VPS13B: variants seen among roughly 807,000 people sequenced by gnomAD.
VPS13B encodes intermembrane lipid transfer protein VPS13B.
In VPS13B, 285 loss-of-function variants were observed where a neutral mutation model predicts 426.4. The observed-to-expected ratio is 0.67, with a 90% CI of 0.61 to 0.74. The LOEUF (loss-of-function observed/expected upper bound fraction) is 0.74. VPS13B is among the 30% of genes least tolerant of loss of function. The probability of loss-of-function intolerance (pLI) is 0.00; values close to 1 mark genes in which losing one functional copy is unlikely to be tolerated. For synonymous variants in VPS13B, 1,676 were observed against 1,676.4 expected (o/e 1.00, Z 0.01); for missense variants, 4,537 against 4,782.6 (o/e 0.95, Z 1.51).
At chr8:99,140,993 AC>A (rs1810391151) in intron 12 of VPS13B, among the ~76,000 whole-genome samples, 1 of 152,192 alleles carries the variant, frequency 6.6e-6, no homozygotes, top group African/African-American at 2.4e-5. Context: ...GGGGGTTATT[AC>A]AAATGTTATG....
intron 21 of VPS13B, among the ~76,000 whole-genome samples, chr8:99,429,888 G>C (rs147907376): frequency 3.7e-4 from 56 of 152,154 alleles, no homozygotes; most frequent in African/African-American, 1.3e-3. Flanking sequence ...TCCTTACTAT[G>C]ACCTACATGA....
At chr8:99,566,038 G>A (rs1010909012) in intron 31 of VPS13B, among the ~76,000 whole-genome samples, 1 of 152,156 alleles carries the variant, frequency 6.6e-6, no homozygotes, top group Non-Finnish European at 1.5e-5. Flanking sequence ...AAGTGAGTGG[G>A]AAGGCAAAAG....
chr8:99,633,552 GT>G (rs1828937475), intron 33 of VPS13B, among the ~76,000 whole-genome samples: 1 of 151,998 alleles, frequency 6.6e-6, no homozygotes, highest in African/African-American at 2.4e-5. Flanking sequence ...AGACACAATT[GT>G]AAACCCTAAT....
chr8:99,173,065 AAC>A (rs1812440098), intron 16 of VPS13B, among the ~76,000 whole-genome samples: 1 of 152,190 alleles, frequency 6.6e-6, no homozygotes, highest in African/African-American at 2.4e-5. Context: ...AATGTGTGAA[AAC>A]ACATATTTCT....
intron 35 of VPS13B, among the ~76,000 whole-genome samples, chr8:99,680,314 T>A (rs1831107861): frequency 6.6e-6 from 1 of 152,154 alleles, no homozygotes; most frequent in African/African-American, 2.4e-5. Flanking sequence ...TGATGTTTGG[T>A]CCCCCACAAG....
Position 99,720,473 on chromosome 8 carries a change from G to A in VPS13B, c.6786G>A (p.Val2262=), listed in dbSNP as rs369708908. 1 of 1,613,850 alleles carries A rather than the reference G, an allele frequency of 6.2e-7. No individual in the cohort carries two copies. Among genetic ancestry groups the A allele is most frequent in the Non-Finnish European group, 8.5e-7 (1 of 1,179,926 alleles). ...CAGTGCCTCAAATGTCATCTCCTGT[G>A]GAAAAGAATCAGACATTTAAAAGTG... ...SEPVPQMSSP[V]EKNQTFKSEQ... Residue 2262 remains valine, a synonymous_variant, in exon 38 of 62, where the codon GTG becomes GTA. Transcript: ENST00000357162.
At position 99,863,221 on chromosome 8, in the gene VPS13B, T is replaced by C. The variant is rs182287504; in HGVS notation, c.11215+1275T>C. 3.3e-5 allele frequency among the ~76,000 whole-genome samples: 5 copies of C among 152,330 alleles called. No homozygotes were observed. In the East Asian group the frequency reaches 9.6e-4, roughly 29 times the overall value. On this transcript the variant is annotated intron_variant, in intron 58 of 61. Transcript: ENST00000357162. ...GTTTGGTAAACAGAACCTATCATTA[T>C]CATAGTATGGTAGCAAATGAACTGT...
chr8:99,065,058 T>G (rs1844408822), intron 3 of VPS13B, among the ~76,000 whole-genome samples: 1 of 152,204 alleles, frequency 6.6e-6, no homozygotes, highest in South Asian at 2.1e-4. Context: ...AAGCAAATGC[T>G]GAGAGATTTT....
chr8:99,608,658 C>T (rs1325438592), intron 33 of VPS13B, among the ~76,000 whole-genome samples: 2 of 152,092 alleles, frequency 1.3e-5, no homozygotes, highest in Non-Finnish European at 2.9e-5. Flanking sequence ...CCCAATTTCC[C>T]CATCTCCTCC....
chr8:99,135,841 TA>T, intron 11 of VPS13B, 108 bp downstream of exon 11: 12 of 1,438,894 alleles, frequency 8.3e-6, no homozygotes, highest in Non-Finnish European at 1.2e-5. Context: ...TTCTGAATGC[TA>T]ATTGTTTATT....
intron 14 of VPS13B, among the ~76,000 whole-genome samples, chr8:99,154,102 A>G (rs1811222096): frequency 6.7e-6 from 1 of 148,828 alleles, no homozygotes; most frequent in Admixed American, 6.7e-5. Flanking sequence ...TTTTTGGGCG[A>G]CTTTATCTTT....
At chr8:99,257,967 A>G (rs1329395591) in intron 17 of VPS13B, among the ~76,000 whole-genome samples, 1 of 151,766 alleles carries the variant, frequency 6.6e-6, no homozygotes, top group Non-Finnish European at 1.5e-5. Flanking sequence ...TTTTCTTCCC[A>G]TATGTATTAT....
At chr8:99,830,471 A>G (rs978701581) in intron 51 of VPS13B, among the ~76,000 whole-genome samples, 3 of 152,152 alleles carry the variant, frequency 2.0e-5, no homozygotes, top group Non-Finnish European at 4.4e-5. Context: ...GAGCATCCCA[A>G]GTCAACTTCA....
In VPS13B at chr8:99,832,341, A is replaced by ATTTTTT. The variant is rs370235149; in HGVS notation, c.9331-8_9331-3dup. On this transcript the variant is annotated intron_variant, in intron 51 of 61. Coordinates refer to ENST00000357162, the MANE Select transcript of VPS13B (RefSeq NM_152564.5). ...TTACTGTAGCTAATGTGCTCTCTGC[A>ATTTTTT]TTTTTTTTTTTTTTTTTTTTTTTTT... 1,708 of 1,192,026 alleles carry ATTTTTT rather than the reference A, an allele frequency of 1.4e-3. 28 individuals are homozygous for ATTTTTT. The highest frequency in any genetic ancestry group is 2.5e-3 in the Admixed American group (70 of 27,652). The allele number at this position is 1,192,026 out of a possible 1,614,324, so 73.8% of individuals were successfully genotyped here.
intron 17 of VPS13B, among the ~76,000 whole-genome samples, chr8:99,238,546 A>C (rs1816756027): frequency 6.6e-6 from 1 of 152,140 alleles, no homozygotes. Context: ...CCTCCAGTGT[A>C]TTTTGGCATC....
chr8:99,140,713 C>T (rs944659326), intron 12 of VPS13B, among the ~76,000 whole-genome samples: 1 of 148,974 alleles, frequency 6.7e-6, no homozygotes, highest in African/African-American at 2.5e-5. Flanking sequence ...CCTTCTCCTT[C>T]TTTGTGAGTA....
rs1207011457 is a variant in VPS13B at position 99,467,468 on chromosome 8, T to C, written c.3500T>C (p.Leu1167Pro). The C allele has an allele frequency of 2.5e-6, 4 of 1,613,820 alleles. No individual in the cohort carries two copies. Among genetic ancestry groups the C allele is most frequent in the Non-Finnish European group, 3.4e-6 (4 of 1,179,786 alleles). The change falls in exon 24 of 62, where the codon CTT (leucine) becomes CCT (proline). Residue 1167 changes from leucine to proline, a missense_variant. Physicochemically the swap from Leu to Pro is moderately conservative, Grantham distance 98. Transcript: ENST00000357162. ...CATAATTTCAGCATATATACCCTTCTTGGAAAACAAGTGACACTTTGCCTA... is the reference window on the plus strand; with the variant it reads ...CATAATTTCAGCATATATACCCTTCCTGGAAAACAAGTGACACTTTGCCTA... ...SLHNFSIYTL[L>P]GKQVTLCLVE...
At chr8:99,211,082 T>C (rs1374367349) in intron 17 of VPS13B, among the ~76,000 whole-genome samples, 1 of 152,124 alleles carries the variant, frequency 6.6e-6, no homozygotes, top group Non-Finnish European at 1.5e-5. Flanking sequence ...TGGATTTTTT[T>C]CCCTTACTCT....
chr8:99,279,540 C>A (rs1018421182), intron 19 of VPS13B, among the ~76,000 whole-genome samples: 1 of 152,026 alleles, frequency 6.6e-6, no homozygotes, highest in Non-Finnish European at 1.5e-5. Flanking sequence ...AGATTACAGG[C>A]ATGAGCCACT....
Sources: allele counts gnomAD v4.1 joint callset (sites outside exome capture counted in the v4.1 genomes callset), GRCh38; gene constraint gnomAD v4.1.1; transcripts MANE v1.5; gene names NCBI Gene and HGNC (gene_info 2026-07-23, HGNC 2026-07-21).